Variants in PER1 observed in about 807,000 individuals in gnomAD.
The protein encoded by PER1 is period circadian protein homolog 1.
In PER1, 87 loss-of-function variants were observed where a neutral mutation model predicts 125.9. The ratio of observed to expected loss-of-function variants is 0.69; its 90% CI spans 0.58 to 0.83. The LOEUF is 0.83. Ranked by LOEUF, PER1 falls within the 40% of genes least tolerant of loss-of-function variation. The pLI is 0.00. For missense variants in PER1, 1,775 were observed against 1,722.8 expected (o/e 1.03, Z -0.54); for synonymous variants, 801 against 714.7 (o/e 1.12, Z -1.93).
Position 8,141,855 on chromosome 17 carries a change from C to T in PER1, c.3550G>A (p.Val1184Met). 1 of 1,614,080 alleles carries T rather than the reference C, an allele frequency of 6.2e-7. No individual in the cohort carries two copies. Among genetic ancestry groups the T allele is most frequent in the Non-Finnish European group, 8.5e-7 (1 of 1,180,026 alleles). The part of the protein sequence containing the change: ...SEDQRRELGA[V>M]HSWVRKGQLP... ...TGGCCCTTCCGGACCCAGGAGTGCACAGCACCCAGTTCCCGCCGCTGGTCC... is the reference window on the plus strand; with the variant it reads ...TGGCCCTTCCGGACCCAGGAGTGCATAGCACCCAGTTCCCGCCGCTGGTCC... Residue 1184 changes from valine to methionine, a missense_variant, in exon 22 of 23, where the codon GTG (valine) becomes ATG (methionine). By Grantham distance (21) the Val-to-Met change is conservative (BLOSUM62 1). Transcript: ENST00000317276.
At chr17:8,151,750 G>A (rs1210707152) in intron 1 of PER1, among the ~76,000 whole-genome samples, 1 of 151,832 alleles carries the variant, frequency 6.6e-6, no homozygotes, top group Admixed American at 6.6e-5. Context: ...CTACTTTTCT[G>A]GCCAGACCCC....
Position 8,146,226 on chromosome 17 carries a change from G to A in PER1, c.2039-89C>T, listed in dbSNP as rs954496186. 5.9e-6 allele frequency: 9 copies of A among 1,530,412 alleles called. No individual in the cohort carries two copies. The East Asian group carries it at 1.8e-4, about 31-fold the overall frequency. 94.8% of individuals were successfully genotyped at this position (1,530,412 alleles called of 1,614,324 possible). ...CCAGGGAAAAGGGGAAGGGGATGGT[G>A]GTAGGGAACAGAGGGAACAGTCTGG... On this transcript the variant is annotated intron_variant, in intron 16 of 22. Transcript: ENST00000317276.
Position 8,147,343 on chromosome 17 carries a change from G to A in PER1, c.1536C>T (p.Val512=), listed in dbSNP as rs749766288. 29 of 1,613,508 alleles carry A rather than the reference G, an allele frequency of 1.8e-5. No homozygotes were observed. The highest frequency in any genetic ancestry group is 6.7e-5 in the East Asian group (3 of 44,878). Residue 512 remains valine (V), a synonymous_variant, in exon 13 of 23, where the codon GTC becomes GTT. Coordinates refer to ENST00000317276, the MANE Select transcript of PER1 (RefSeq NM_002616.3). The part of the protein sequence containing the change: ...HSPSPTGLCG[V]GAVTSPGPLH... The stretch of plus-strand genomic sequence containing the variant: ...GAGGGCCTGGGGATGTCACGGCGCC[G>A]ACTCCACAGAGTCCCGTGGGGCTGG...
chr17:8,148,292 G>C (rs200039096), intron 8 of PER1, 33 bp from the exon 9 acceptor site: 1 of 1,569,160 alleles, frequency 6.4e-7, no homozygotes, highest in Non-Finnish European at 8.8e-7. Context: ...ACTGGGTTTC[G>C]TCCAGAATGC....
At chr17:8,148,986 C>A in intron 7 of PER1, 200 bp from the exon 8 acceptor site, 1 of 640,904 alleles carries the variant, frequency 1.6e-6, no homozygotes, top group Non-Finnish European at 2.7e-6. Flanking sequence ...GTCAGGAGTT[C>A]GAGACCAGCC....
rs749259305 is a variant in PER1 at position 8,143,774 on chromosome 17, T to C, written c.2564A>G (p.Tyr855Cys). The C allele has an allele frequency of 3.7e-6, 6 of 1,603,396 alleles. 1 individual carries two copies. In the South Asian group the frequency reaches 5.6e-5, roughly 15 times the overall value. ...HQNPRAEAPC[Y>C]VSHPSPVPPS... ...TGGCACGGGTGAGGGGTGTGAGACA[T>C]AGCAGGGCGCTTCAGCCCGAGGGTT... The change falls in exon 19 of 23, where the codon TAT becomes TGT. Residue 855 changes from tyrosine (Y) to cysteine (C), a missense_variant. Tyr to Cys is a radical substitution (Grantham distance 194, BLOSUM62 -2). Coordinates refer to ENST00000317276, the MANE Select transcript of PER1 (RefSeq NM_002616.3).
Position 8,141,791 on chromosome 17 carries a change from C to T in PER1, c.3600+14G>A. Reference sequence around the variant, plus strand: ...GCTCAATTCTTTTTTCTCCCCGTCCCAGGCTTCTCTCACCATCACATCAAG... The same window carrying T: ...GCTCAATTCTTTTTTCTCCCCGTCCTAGGCTTCTCTCACCATCACATCAAG... On this transcript the variant is annotated intron_variant, in intron 22 of 22. Coordinates refer to ENST00000317276, the MANE Select transcript of PER1 (RefSeq NM_002616.3). The T allele has an allele frequency of 7.1e-7, 1 of 1,413,566 alleles. No individual in the cohort carries two copies. Among genetic ancestry groups the T allele is most frequent in the Non-Finnish European group, 9.5e-7 (1 of 1,052,902 alleles). The allele number at this position is 1,413,566 out of a possible 1,614,324, so 87.6% of individuals were successfully genotyped here. A position where few individuals can be genotyped will look rare whatever the true frequency, so the allele number is the denominator to read the frequency against.
In PER1 at chr17:8,145,324, C is replaced by CTTTTTTTTT. The variant is rs398030276; in HGVS notation, c.2219-340_2219-332dup. 1.2e-4 allele frequency among the ~76,000 whole-genome samples: 15 copies of CTTTTTTTTT among 125,504 alleles called. 2 individuals carry two copies. The highest frequency in any genetic ancestry group is 1.9e-4 in the Non-Finnish European group (12 of 61,890). 82.3% of individuals were successfully genotyped at this position (125,504 alleles called of 152,430 possible). A position where few individuals can be genotyped will look rare whatever the true frequency, so the allele number is the denominator to read the frequency against. ...CCTTCCCTCACACATTTTCTTGTTT[C>CTTTTTTTTT]TTTTTTTTTTTTTTTTTGACATGGA... is the stretch of plus-strand genomic sequence containing the variant. On this transcript the variant is annotated intron_variant, in intron 17 of 22. Transcript: ENST00000317276.
In PER1 at chr17:8,143,744, G is replaced by C. The variant is rs776638707; in HGVS notation, c.2594C>G (p.Ser865Cys). Residue 865 changes from serine to cysteine, a missense_variant, in exon 19 of 23, where the codon TCC (serine) becomes TGC (cysteine). Coordinates refer to ENST00000317276, the MANE Select transcript of PER1 (RefSeq NM_002616.3). ...YVSHPSPVPP[S>C]TPWPTPPATT... ...GGCTGGTGGGGTGGGCCAGGGGGTG[G>C]AGGGTGGCACGGGTGAGGGGTGTGA... 1.3e-6 allele frequency: 2 copies of C among 1,536,572 alleles called. No individual in the cohort carries two copies.
chr17:8,147,269 C>T lies in PER1; in HGVS notation c.1610G>A (p.Gly537Glu), dbSNP rs1293270629. 3.7e-6 allele frequency: 6 copies of T among 1,611,304 alleles called. No individual in the cohort carries two copies. The highest frequency in any genetic ancestry group is 5.1e-6 in the Non-Finnish European group (6 of 1,178,906). ...ACTCACTGGCGCAGGAGGCCCAGGCCCCTCTGCATCACCCCCGTTGCTATC... is the reference window on the plus strand; with the variant it reads ...ACTCACTGGCGCAGGAGGCCCAGGCTCCTCTGCATCACCCCCGTTGCTATC... ...SSDSNGGDAE[G>E]PGPPAPVTFQ... Residue 537 changes from glycine to glutamate, a missense_variant, in exon 13 of 23, where the codon GGG (glycine) becomes GAG (glutamate). Gly to Glu is a moderately conservative substitution (Grantham distance 98). Coordinates refer to ENST00000317276, the MANE Select transcript of PER1 (RefSeq NM_002616.3).
chr17:8,147,349 A>G lies in PER1; in HGVS notation c.1530T>C (p.Cys510=), dbSNP rs1219370619. The stretch of plus-strand genomic sequence containing the variant: ...CTGGGGATGTCACGGCGCCGACTCC[A>G]CAGAGTCCCGTGGGGCTGGGGCTGT... The part of the protein sequence containing the change: ...PVHSPSPTGL[C]GVGAVTSPGP... The change falls in exon 13 of 23, where the codon TGT becomes TGC. Residue 510 remains cysteine (C), a synonymous_variant. Coordinates refer to ENST00000317276, the MANE Select transcript of PER1 (RefSeq NM_002616.3). The G allele has an allele frequency of 3.1e-6, 5 of 1,613,664 alleles. No individual in the cohort carries two copies. The highest frequency in any genetic ancestry group is 4.2e-6 in the Non-Finnish European group (5 of 1,179,926).
Position 8,146,082 on chromosome 17 carries a change from C to G in PER1, c.2094G>C (p.Val698=). The change falls in exon 17 of 23, where the codon GTG becomes GTC. Residue 698 remains valine, a synonymous_variant. Transcript: ENST00000317276. ...CGAGCGGGCTCAGGGTGCCTCCCAC[C>G]ACTGGCTCCTTCCGTGGGGTGGCCC... is the stretch of plus-strand genomic sequence containing the variant. The part of the protein sequence containing the change: ...GEGATPRKEP[V]VGGTLSPLAL... 1 of 1,613,698 alleles carries G rather than the reference C, an allele frequency of 6.2e-7. No homozygotes were observed. Among genetic ancestry groups the G allele is most frequent in the Non-Finnish European group, 8.5e-7 (1 of 1,179,842 alleles).
chr17:8,140,690 A>G lies in PER1; in HGVS notation c.*378T>C. On this transcript the variant is annotated 3_prime_UTR_variant, in exon 23 of 23. Transcript: ENST00000317276. ...CAGGCTCTCCTCCCATCTGGGGAGG[A>G]GGTGGGAGAGAGAGCTGTCTCCCCG... The G allele has an allele frequency of 4.0e-6, 1 of 251,586 alleles. No homozygotes were observed. The highest frequency in any genetic ancestry group is 4.9e-5 in the Admixed American group (1 of 20,450). The allele number at this position is 251,586 out of a possible 1,614,324, so 15.6% of individuals were successfully genotyped here. A position where few individuals can be genotyped will look rare whatever the true frequency, so the allele number is the denominator to read the frequency against.
At position 8,150,473 on chromosome 17, in the gene PER1, G is replaced by C; in HGVS notation, c.234C>G (p.Gly78=). 1 of 1,614,006 alleles carries C rather than the reference G, an allele frequency of 6.2e-7. No homozygotes were observed. Among genetic ancestry groups the C allele is most frequent in the Non-Finnish European group, 8.5e-7 (1 of 1,179,934 alleles). ...RSSHSSSSGN[G]KDSALLETTE... Reference sequence around the variant, plus strand: ...TGGTCTCCAGCAGGGCTGAGTCCTTGCCGTTGCCTGAGGAGGAGCTGTGTG... The same window carrying C: ...TGGTCTCCAGCAGGGCTGAGTCCTTCCCGTTGCCTGAGGAGGAGCTGTGTG... Residue 78 remains glycine, a synonymous_variant, in exon 2 of 23, where the codon GGC becomes GGG. Coordinates refer to ENST00000317276, the MANE Select transcript of PER1 (RefSeq NM_002616.3).
chr17:8,147,270 C>T lies in PER1; in HGVS notation c.1609G>A (p.Gly537Arg), dbSNP rs751792823. Residue 537 changes from glycine (G) to arginine (R), a missense_variant, in exon 13 of 23, where the codon GGG becomes AGG. Coordinates refer to ENST00000317276, the MANE Select transcript of PER1 (RefSeq NM_002616.3). ...CTCACTGGCGCAGGAGGCCCAGGCC[C>T]CTCTGCATCACCCCCGTTGCTATCA... ...SSDSNGGDAE[G>R]PGPPAPVTFQ... 2 of 1,611,520 alleles carry T rather than the reference C, an allele frequency of 1.2e-6. No individual in the cohort carries two copies. The highest frequency in any genetic ancestry group is 1.1e-5 in the South Asian group (1 of 90,606).
chr17:8,142,693 C>A lies in PER1; in HGVS notation c.3215G>T (p.Gly1072Val). 1 of 1,614,056 alleles carries A rather than the reference C, an allele frequency of 6.2e-7. No homozygotes were observed. Among genetic ancestry groups the A allele is most frequent in the Non-Finnish European group, 8.5e-7 (1 of 1,180,008 alleles). ...SLGSGLGSGS[G>V]SGSHEGGSTS... ...GCTGCCCCCTTCATGGGAGCCTGAA[C>A]CAGACCCAGAGCCCAAGCCAGAGCC... The change falls in exon 20 of 23, where the codon GGT becomes GTT. Residue 1072 changes from glycine (G) to valine (V), a missense_variant. Transcript: ENST00000317276.
intron 7 of PER1, 34 bp downstream of exon 7, chr17:8,149,225 G>A (rs79455826): frequency 1.9e-6 from 3 of 1,569,702 alleles, no homozygotes; most frequent in Non-Finnish European, 2.6e-6. Context: ...AAAAAAAAAG[G>A]AGGCAGAGGT....
In PER1 at chr17:8,148,067, G is replaced by A. The variant is rs1183771066; in HGVS notation, c.1164C>T (p.Leu388=). Residue 388 remains leucine (L), a synonymous_variant, in exon 10 of 23, where the codon CTC becomes CTT. Transcript: ENST00000317276. ...APLLGYLPQD[L]LGAPVLLFLH... is the part of the protein sequence containing the mutation. ...GGAACAGGAGCACTGGGGCCCCCAG[G>A]AGGTCCTGGGGCAGGTAGCCCAGCA... is the stretch of plus-strand genomic sequence containing the variant. The A allele has an allele frequency of 6.2e-7, 1 of 1,612,420 alleles. No homozygotes were observed. The highest frequency in any genetic ancestry group is 2.2e-5 in the East Asian group (1 of 44,882).
chr17:8,144,164 G>A (rs1462150202), intron 18 of PER1: 2 of 484,390 alleles, frequency 4.1e-6, no homozygotes, highest in Admixed American at 3.7e-5. Context: ...GATGGAGGAA[G>A]CAGGGTGAGT....
Sources: allele counts gnomAD v4.1 joint callset (sites outside exome capture counted in the v4.1 genomes callset), GRCh38; gene constraint gnomAD v4.1.1; transcripts MANE v1.5; gene names NCBI Gene and HGNC (gene_info 2026-07-23, HGNC 2026-07-21).